HID1: variants seen among roughly 807,000 people sequenced by gnomAD.
HID1 encodes protein HID1.
Under a neutral mutation model 89.7 loss-of-function variants are expected in HID1, and 42 were observed. That is an observed-to-expected ratio of 0.47 (90% confidence interval 0.37 to 0.61). The LOEUF (loss-of-function observed/expected upper bound fraction) is 0.61. Among genes scored for constraint, HID1 ranks in the 20% least tolerant of loss-of-function variants. HID1 has a pLI of 0.00. For synonymous variants in HID1, 442 were observed against 433.8 expected (o/e 1.02, Z -0.24); for missense variants, 854 against 1,039.3 (o/e 0.82, Z 2.45).
In HID1 at chr17:74,952,295, C is replaced by T. The variant is rs373856219; in HGVS notation, c.2118G>A (p.Pro706=). ...TGTCAATGCAGATCTTCTCCACCTGCGGAACCAGCACCTGCAGCAGCCTCA... is the reference window on the plus strand; with the variant it reads ...TGTCAATGCAGATCTTCTCCACCTGTGGAACCAGCACCTGCAGCAGCCTCA... ...TIMRLLQVLV[P]QVEKICIDKG... Residue 706 remains proline (P), a synonymous_variant, in exon 17 of 19, where the codon CCG becomes CCA. Coordinates refer to ENST00000425042, the MANE Select transcript of HID1 (RefSeq NM_030630.3). 6.2e-7 allele frequency: 1 copy of T among 1,613,794 alleles called. No individual in the cohort carries two copies. The highest frequency in any genetic ancestry group is 2.2e-5 in the East Asian group (1 of 44,872).
chr17:74,970,052 G>A (rs1014644145), intron 1 of HID1, among the ~76,000 whole-genome samples: 9 of 151,658 alleles, frequency 5.9e-5, no homozygotes, highest in Non-Finnish European at 1.3e-4. Context: ...GAGTAGCTGG[G>A]AATACAGGCA....
intron 12 of HID1, among the ~76,000 whole-genome samples, chr17:74,956,843 G>A (rs1339449006): frequency 1.3e-5 from 2 of 152,222 alleles, no homozygotes; most frequent in Admixed American, 6.5e-5. Flanking sequence ...CCCAGCAGCT[G>A]TGTGCAGTCC....
intron 13 of HID1, 61 bp downstream of exon 13, chr17:74,955,731 T>C: frequency 2.6e-6 from 4 of 1,535,660 alleles, no homozygotes; most frequent in Non-Finnish European, 3.6e-6. Flanking sequence ...TGTGCCCCCC[T>C]TATGTAGGAA....
Position 74,954,380 on chromosome 17 carries a change from C to T in HID1, c.1637-15G>A. ...GTTGGAGTTGCCTGTGGGCAGGGAG[C>T]ATGCCTCGCCTCAGGGAGGCCCCCT... On this transcript the variant is annotated splice_polypyrimidine_tract_variant and intron_variant, in intron 13 of 18. Transcript: ENST00000425042. 1.3e-6 allele frequency: 2 copies of T among 1,554,216 alleles called. No homozygotes were observed. The highest frequency in any genetic ancestry group is 1.2e-5 in the South Asian group (1 of 84,220).
At position 74,962,236 on chromosome 17, in the gene HID1, G is replaced by T. The variant is rs145815928; in HGVS notation, c.609C>A (p.Asn203Lys). ...SPQPNYIHDM[N>K]RMELLKLLLT... ...CTCCGGGCCTGGGCGAAGCTCACCG[G>T]TTCATATCGTGGATGTAGTTAGGCT... The change falls in exon 5 of 19, where the codon AAC becomes AAA. Residue 203 changes from asparagine (N) to lysine (K), a missense_variant and splice_region_variant. Physicochemically the swap from Asn to Lys is moderately conservative, Grantham distance 94. Transcript: ENST00000425042. This position sits in a 1 kb window ranked among gnomAD's most constrained non-coding sequence, Gnocchi z 4.3. The T allele has an allele frequency of 6.2e-7, 1 of 1,605,840 alleles. No individual in the cohort carries two copies. The highest frequency in any genetic ancestry group is 8.5e-7 in the Non-Finnish European group (1 of 1,173,670).
intron 3 of HID1, chr17:74,963,285 C>T (rs890400949): frequency 1.8e-6 from 1 of 550,146 alleles, no homozygotes; most frequent in South Asian, 2.3e-5. Context: ...CCGGGAACAG[C>T]GAGGGAACCT....
At chr17:74,964,024 C>A in intron 2 of HID1, 114 bp from the exon 3 acceptor site, 1 of 1,121,118 alleles carries the variant, frequency 8.9e-7, no homozygotes, top group South Asian at 1.4e-5. Context: ...GGCACCCAGG[C>A]TGCAGAGGAG....
intron 17 of HID1, 93 bp from the exon 18 acceptor site, chr17:74,952,156 C>A: frequency 6.6e-7 from 1 of 1,519,058 alleles, no homozygotes; most frequent in East Asian, 2.3e-5. Context: ...TCCCATCACA[C>A]GCCTACCTAA....
chr17:74,966,341 A>ACT (rs2039563328), intron 1 of HID1, among the ~76,000 whole-genome samples: 1 of 150,010 alleles, frequency 6.7e-6, no homozygotes. Flanking sequence ...GTTAGTAGCA[A>ACT]CTCTCTCTCT....
At position 74,962,134 on chromosome 17, in the gene HID1, G is replaced by T; in HGVS notation, c.611+100C>A. ...AAGGTCAAGGTCGGGTCATAGGTGA[G>T]GACGGTCTTCTGGGAAGACCCCATG... On this transcript the variant is annotated intron_variant, in intron 5 of 18. Transcript: ENST00000425042. The surrounding 1 kb of genome is among the most constrained non-coding windows in gnomAD (Gnocchi z 4.3). 2 of 1,175,980 alleles carry T rather than the reference G, an allele frequency of 1.7e-6. No homozygotes were observed. Among genetic ancestry groups the T allele is most frequent in the Non-Finnish European group, 2.4e-6 (2 of 824,222 alleles). The allele number at this position is 1,175,980 out of a possible 1,614,324, so 72.8% of individuals were successfully genotyped here.
rs756340888 is a variant in HID1, at chr17:74,962,929, A to G, written c.504+36T>C. The stretch of plus-strand genomic sequence containing the variant: ...CGGCCCCAACCCAGGACCAGAGCCT[A>G]CTCCGCCTGGGGGTGGGGGGCTGGG... On this transcript the variant is annotated intron_variant, in intron 4 of 18. Coordinates refer to ENST00000425042, the MANE Select transcript of HID1 (RefSeq NM_030630.3). The surrounding 1 kb of genome is among the most constrained non-coding windows in gnomAD (Gnocchi z 4.3). The G allele has an allele frequency of 4.0e-6, 6 of 1,486,356 alleles. No homozygotes were observed. Among genetic ancestry groups the G allele is most frequent in the Non-Finnish European group, 5.6e-6 (6 of 1,071,480 alleles). The allele number at this position is 1,486,356 out of a possible 1,614,324, so 92.1% of individuals were successfully genotyped here.
At chr17:74,965,810 G>A (rs976571641) in intron 1 of HID1, among the ~76,000 whole-genome samples, 14 of 151,434 alleles carry the variant, frequency 9.2e-5, no homozygotes, top group South Asian at 2.1e-4. Flanking sequence ...CCAGCTACTC[G>A]GGAAGCTGAG....
chr17:74,961,796 GAGCT>G, intron 6 of HID1, 73 bp downstream of exon 6: 1 of 868,846 alleles, frequency 1.2e-6, no homozygotes. Flanking sequence ...ACGAGACCCA[GAGCT>G]GGCGAATGGA....
intron 17 of HID1, 61 bp downstream of exon 17, chr17:74,952,208 C>A (rs932501954): frequency 1.9e-6 from 3 of 1,541,338 alleles, no homozygotes; most frequent in African/African-American, 2.7e-5. Flanking sequence ...CCCACACCAC[C>A]GGCCCCGCCC....
chr17:74,952,645 A>G (rs961218584), intron 16 of HID1, among the ~76,000 whole-genome samples: 1 of 152,214 alleles, frequency 6.6e-6, no homozygotes, highest in Non-Finnish European at 1.5e-5. Context: ...TCCCTGTCCC[A>G]GCGCAACTGG....
intron 6 of HID1, 188 bp downstream of exon 6, chr17:74,961,685 G>A (rs909555949): frequency 2.3e-4 from 86 of 369,710 alleles, no homozygotes; most frequent in Middle Eastern, 1.4e-3. Flanking sequence ...GGGGCCCCCA[G>A]ATTCTGTCCT....
intron 6 of HID1, among the ~76,000 whole-genome samples, chr17:74,960,902 C>T (rs2039469449): frequency 6.6e-6 from 1 of 152,240 alleles, no homozygotes; most frequent in African/African-American, 2.4e-5. Flanking sequence ...GCTACCTGCT[C>T]AAATACTCAA....
At chr17:74,954,474 C>T in intron 13 of HID1, 109 bp from the exon 14 acceptor site, 1 of 1,529,268 alleles carries the variant, frequency 6.5e-7, no homozygotes, top group South Asian at 1.2e-5. Flanking sequence ...AGGGTGTCTG[C>T]CCAAGGGGTT....
chr17:74,951,691 G>A (rs939068676), intron 18 of HID1, 58 bp from the exon 19 acceptor site: 4 of 1,540,280 alleles, frequency 2.6e-6, no homozygotes, highest in African/African-American at 2.7e-5. Context: ...CAAGGCACCA[G>A]GAGGAGCTGG....
Sources: allele counts gnomAD v4.1 joint callset (sites outside exome capture counted in the v4.1 genomes callset), GRCh38; gene constraint gnomAD v4.1.1; non-coding constraint Gnocchi (gnomAD v3.1); transcripts MANE v1.5; gene names NCBI Gene and HGNC (gene_info 2026-07-23, HGNC 2026-07-21).